The following CDK13 variants were observed in gnomAD, a reference collection of about 807,000 sequenced individuals.
The protein encoded by CDK13 is cyclin-dependent kinase 13.
A neutral mutation model predicts 137.6 loss-of-function variants in CDK13; 40 were observed. The observed-to-expected ratio is 0.29, with a 90% CI of 0.23 to 0.38. The LOEUF is 0.38. CDK13 is among the 10% of genes least tolerant of loss of function. CDK13 has a pLI of 1.00. For synonymous variants in CDK13, 869 were observed against 760.1 expected, an observed-to-expected ratio of 1.14 and a Z score of -2.36; for missense variants, 1,704 against 1,951.8, an observed-to-expected ratio of 0.87 and a Z score of 2.39.
At position 40,097,259 on chromosome 7, in the gene CDK13, C is replaced by G. The variant is rs1207671303; in HGVS notation, c.*2279C>G. 1 of 151,978 alleles carries G rather than the reference C, an allele frequency of 6.6e-6. No homozygotes were observed. The highest frequency in any genetic ancestry group is 1.5e-5 in the Non-Finnish European group (1 of 67,940). The allele number at this position is 151,978 out of a possible 1,614,324, so 9.4% of individuals were successfully genotyped here. ...TTTGAACTAGAACTTCTAATATTATCCTTACACAGCACTACTGTGAGACAT... is the reference window on the plus strand; with the variant it reads ...TTTGAACTAGAACTTCTAATATTATGCTTACACAGCACTACTGTGAGACAT... On this transcript the variant is annotated 3_prime_UTR_variant, in exon 14 of 14. Transcript: ENST00000181839.
chr7:40,015,336 T>A (rs767884423), intron 5 of CDK13, among the ~76,000 whole-genome samples: 3 of 152,178 alleles, frequency 2.0e-5, no homozygotes, highest in Admixed American at 6.5e-5. Context: ...CATGTCACTA[T>A]TTCCTGAACA....
chr7:39,978,283 A>C (rs771824998), intron 1 of CDK13, among the ~76,000 whole-genome samples: 6 of 152,236 alleles, frequency 3.9e-5, no homozygotes, highest in Non-Finnish European at 7.3e-5. Flanking sequence ...AAGTGCTCCA[A>C]ATAATTGCAG....
intron 7 of CDK13, among the ~76,000 whole-genome samples, chr7:40,049,734 C>T (rs191939053): frequency 5.3e-5 from 8 of 152,242 alleles, no homozygotes; most frequent in Non-Finnish European, 1.0e-4. Context: ...CATCTTCCCC[C>T]CATACTCCCT....
chr7:40,098,493 T>C lies in CDK13; in HGVS notation c.*3513T>C, dbSNP rs1335664470. 2 of 151,838 alleles carry C rather than the reference T, an allele frequency of 1.3e-5. No homozygotes were observed. Among genetic ancestry groups the C allele is most frequent in the Non-Finnish European group, 2.9e-5 (2 of 67,940 alleles). 9.4% of individuals were successfully genotyped at this position (151,838 alleles called of 1,614,324 possible). On this transcript the variant is annotated 3_prime_UTR_variant, in exon 14 of 14. Coordinates refer to ENST00000181839, the MANE Select transcript of CDK13 (RefSeq NM_003718.5). ...CTGAAATATATGTTTTGAATATAGA[T>C]AGCTAATTCCCTGGGATATAATATC...
At chr7:40,034,326 C>T (rs1785439501) in intron 5 of CDK13, among the ~76,000 whole-genome samples, 1 of 152,188 alleles carries the variant, frequency 6.6e-6, no homozygotes, top group Admixed American at 6.5e-5. Context: ...CCCTGTGACT[C>T]CAATTTCTGC....
At chr7:40,077,182 A>C (rs1340026517) in intron 9 of CDK13, among the ~76,000 whole-genome samples, 1 of 152,204 alleles carries the variant, frequency 6.6e-6, no homozygotes, top group Non-Finnish European at 1.5e-5. Flanking sequence ...AAGAACTTTA[A>C]TGTTTCAAGA....
At chr7:39,966,186 TCTC>T (rs568513583) in intron 1 of CDK13, among the ~76,000 whole-genome samples, 6,053 of 152,286 alleles carry the variant, frequency 0.04, 356 homozygotes, top group African/African-American at 0.13. Context: ...TTAGGGAAGT[TCTC>T]CTGGATAATA....
At chr7:39,975,970 G>C (rs973759586) in intron 1 of CDK13, among the ~76,000 whole-genome samples, 6 of 152,126 alleles carry the variant, frequency 3.9e-5, no homozygotes, top group Non-Finnish European at 8.8e-5. Flanking sequence ...TCAGCAAATA[G>C]GGAAGTGATA....
At chr7:39,954,398 A>G (rs1481150700) in intron 1 of CDK13, among the ~76,000 whole-genome samples, 1 of 152,220 alleles carries the variant, frequency 6.6e-6, no homozygotes, top group Non-Finnish European at 1.5e-5. Flanking sequence ...TTCAGAATTT[A>G]TTACTTGTGG....
intron 1 of CDK13, among the ~76,000 whole-genome samples, chr7:39,975,127 T>A (rs1326622413): frequency 1.3e-5 from 2 of 151,820 alleles, no homozygotes; most frequent in South Asian, 2.1e-4. Context: ...GTAAAAAAAA[T>A]TCTGGGTTGG....
At chr7:40,062,473 G>C in intron 7 of CDK13, 1 of 186,270 alleles carries the variant, frequency 5.4e-6, no homozygotes, top group South Asian at 1.0e-4. Context: ...GTACAGATGG[G>C]GTTTCACCGT....
At chr7:40,030,601 G>C (rs1785356695) in intron 5 of CDK13, among the ~76,000 whole-genome samples, 1 of 151,836 alleles carries the variant, frequency 6.6e-6, no homozygotes, top group South Asian at 2.1e-4. Flanking sequence ...GTTTTGCTGT[G>C]TTGGCCAGGC....
chr7:40,094,574 A>G lies in CDK13; in HGVS notation c.4133A>G (p.Asp1378Gly). 1.2e-6 allele frequency: 2 copies of G among 1,612,558 alleles called. No homozygotes were observed. Among genetic ancestry groups the G allele is most frequent in the South Asian group, 2.2e-5 (2 of 90,872 alleles). ...FIGNSDIQSL[D>G]NYSTASSHSG... The stretch of plus-strand genomic sequence containing the variant: ...GGAAATTCAGATATTCAGTCTTTGG[A>G]TAACTACAGTACTGCTTCATCTCAT... The change falls in exon 14 of 14, where the codon GAT (aspartate) becomes GGT (glycine). Residue 1378 changes from aspartate (D) to glycine (G), a missense_variant. By Grantham distance (94) the Asp-to-Gly change is moderately conservative. Coordinates refer to ENST00000181839, the MANE Select transcript of CDK13 (RefSeq NM_003718.5).
At chr7:39,958,804 G>A (rs187475457) in intron 1 of CDK13, among the ~76,000 whole-genome samples, 5 of 152,088 alleles carry the variant, frequency 3.3e-5, no homozygotes, top group Admixed American at 3.3e-4. Flanking sequence ...TTGAGGCAAA[G>A]GTGGTATATA....
chr7:39,998,612 C>A (rs1198214513), intron 3 of CDK13: 2 of 151,818 alleles, frequency 1.3e-5, no homozygotes, highest in East Asian at 1.9e-4. Flanking sequence ...CAAGGCAAGA[C>A]CCTGTTTCAA....
chr7:39,954,984 C>G (rs897973245), intron 1 of CDK13, among the ~76,000 whole-genome samples: 7 of 152,162 alleles, frequency 4.6e-5, no homozygotes, highest in African/African-American at 1.7e-4. Context: ...CACTTCACAA[C>G]TTGTTCTTTG....
intron 5 of CDK13, among the ~76,000 whole-genome samples, chr7:40,044,555 A>G (rs1249602622): frequency 2.0e-5 from 3 of 151,712 alleles, no homozygotes; most frequent in South Asian, 2.1e-4. Context: ...CTGACCTCAG[A>G]TGATCCACCT....
intron 1 of CDK13, among the ~76,000 whole-genome samples, chr7:39,982,210 C>A (rs1240718869): frequency 2.3e-4 from 35 of 149,396 alleles, no homozygotes; most frequent in African/African-American, 8.7e-4. Flanking sequence ...GTTCCCCTTC[C>A]TGTGTCCATG....
At chr7:39,993,765 A>G (rs989846436) in intron 2 of CDK13, among the ~76,000 whole-genome samples, 8 of 152,038 alleles carry the variant, frequency 5.3e-5, no homozygotes, top group Admixed American at 5.2e-4. Context: ...AACTCTCCTT[A>G]TATATTAATA....
Sources: allele counts gnomAD v4.1 joint callset (sites outside exome capture counted in the v4.1 genomes callset), GRCh38; gene constraint gnomAD v4.1.1; transcripts MANE v1.5; gene names NCBI Gene and HGNC (gene_info 2026-07-23, HGNC 2026-07-21).